The following MYO5B variants were observed in gnomAD, a reference collection of about 807,000 sequenced individuals.
MYO5B encodes unconventional myosin-Vb.
Under a neutral mutation model 229.3 loss-of-function variants are expected in MYO5B, and 143 were observed. The observed-to-expected ratio is 0.62, with a 90% CI of 0.54 to 0.72. The LOEUF (loss-of-function observed/expected upper bound fraction) is 0.72. MYO5B is among the 30% of genes least tolerant of loss of function. The pLI is 0.00. For missense variants in MYO5B, 2,321 were observed against 2,331.0 expected, an observed-to-expected ratio of 1.00 and a Z score of 0.09; for synonymous variants, 918 against 885.2, an observed-to-expected ratio of 1.04 and a Z score of -0.66.
intron 4 of MYO5B, among the ~76,000 whole-genome samples, chr18:50,028,313 C>G (rs1259942979): frequency 1.3e-5 from 2 of 152,102 alleles, no homozygotes. Context: ...AAACACCTGC[C>G]AAAAATAAAT....
At chr18:49,968,338 G>A (rs1174691860) in intron 10 of MYO5B, among the ~76,000 whole-genome samples, 5 of 149,928 alleles carry the variant, frequency 3.3e-5, no homozygotes, top group Non-Finnish European at 7.4e-5. Flanking sequence ...GGAAATTATC[G>A]CCAGCCCAAC....
chr18:50,111,297 T>C (rs184340583), intron 1 of MYO5B, among the ~76,000 whole-genome samples: 2 of 152,344 alleles, frequency 1.3e-5, no homozygotes, highest in East Asian at 3.9e-4. Flanking sequence ...AAACTGCAGT[T>C]ATCTCACAGA....
At chr18:49,944,751 C>T (rs2025352542) in intron 14 of MYO5B, among the ~76,000 whole-genome samples, 1 of 152,164 alleles carries the variant, frequency 6.6e-6, no homozygotes, top group African/African-American at 2.4e-5. Flanking sequence ...CAGCTACGTT[C>T]AAGCTTCTCT....
At chr18:50,082,025 T>C (rs900678063) in intron 1 of MYO5B, among the ~76,000 whole-genome samples, 1 of 152,236 alleles carries the variant, frequency 6.6e-6, no homozygotes, top group African/African-American at 2.4e-5. Flanking sequence ...GATATATTAG[T>C]ATTTATACCC....
At chr18:49,989,739 G>A (rs1490956234) in intron 7 of MYO5B, among the ~76,000 whole-genome samples, 1 of 152,192 alleles carries the variant, frequency 6.6e-6, no homozygotes, top group Non-Finnish European at 1.5e-5. Flanking sequence ...CACCCCTCAG[G>A]AAGCAGCAGG....
At chr18:50,139,939 T>C (rs1022561043) in intron 1 of MYO5B, among the ~76,000 whole-genome samples, 1 of 152,148 alleles carries the variant, frequency 6.6e-6, no homozygotes, top group Non-Finnish European at 1.5e-5. Context: ...TCAAACACCA[T>C]AGCTGACGGT....
At chr18:50,163,842 G>A (rs1294839692) in intron 1 of MYO5B, among the ~76,000 whole-genome samples, 1 of 152,194 alleles carries the variant, frequency 6.6e-6, no homozygotes, top group East Asian at 1.9e-4. Flanking sequence ...AGAGGAGAAA[G>A]CACAATCATT....
intron 17 of MYO5B, among the ~76,000 whole-genome samples, chr18:49,915,616 T>C (rs1049178790): frequency 1.3e-5 from 2 of 152,230 alleles, no homozygotes; most frequent in African/African-American, 4.8e-5. Context: ...CCAAACCCAT[T>C]GAGTTGCTGA....
At chr18:49,828,849 C>A (rs984204858) in intron 39 of MYO5B, among the ~76,000 whole-genome samples, 1 of 151,126 alleles carries the variant, frequency 6.6e-6, no homozygotes, top group Non-Finnish European at 1.5e-5. Flanking sequence ...ATATAATAAA[C>A]CAAAGCTTAT....
At chr18:49,856,747 G>A (rs1479847926) in intron 30 of MYO5B, 66 bp downstream of exon 30, 26 of 1,376,650 alleles carry the variant, frequency 1.9e-5, no homozygotes, top group Middle Eastern at 3.5e-4. Context: ...CTGAAAAACG[G>A]TTAAGCATAG....
intron 1 of MYO5B, among the ~76,000 whole-genome samples, chr18:50,118,282 G>A (rs1490560526): frequency 6.6e-6 from 1 of 152,192 alleles, no homozygotes; most frequent in Non-Finnish European, 1.5e-5. Context: ...TATGGCTGCC[G>A]CTGCAGAAAA....
intron 1 of MYO5B, among the ~76,000 whole-genome samples, chr18:50,138,200 C>T (rs934048672): frequency 2.6e-5 from 4 of 152,114 alleles, no homozygotes; most frequent in African/African-American, 9.7e-5. Context: ...ATACCCCGAA[C>T]CTAAAATTAA....
chr18:50,129,513 C>T (rs756527111), intron 1 of MYO5B, among the ~76,000 whole-genome samples: 12 of 152,204 alleles, frequency 7.9e-5, no homozygotes, highest in African/African-American at 2.4e-5. Context: ...CGAGCTAATA[C>T]CAGAGATGTG....
At chr18:50,180,665 T>G (rs538305893) in intron 1 of MYO5B, among the ~76,000 whole-genome samples, 21 of 152,360 alleles carry the variant, frequency 1.4e-4, no homozygotes, top group Non-Finnish European at 2.8e-4. Flanking sequence ...GTTTTAATCT[T>G]GAAAGACTGA....
At chr18:49,833,469 C>T (rs753958527) in intron 39 of MYO5B, among the ~76,000 whole-genome samples, 24 of 150,690 alleles carry the variant, frequency 1.6e-4, no homozygotes, top group Non-Finnish European at 3.3e-4. Context: ...GCTAGAACTG[C>T]GAGACACTGA....
At chr18:50,152,185 A>T (rs72921721) in intron 1 of MYO5B, among the ~76,000 whole-genome samples, 3 of 152,132 alleles carry the variant, frequency 2.0e-5, no homozygotes, top group Non-Finnish European at 4.4e-5. Flanking sequence ...CCGAGTCCCA[A>T]TGGTGCCTCC....
intron 1 of MYO5B, among the ~76,000 whole-genome samples, chr18:50,136,831 T>TA (rs2032343925): frequency 1.3e-5 from 2 of 152,204 alleles, no homozygotes. Flanking sequence ...TCAGACCCCT[T>TA]ATCACAAAGG....
At chr18:50,049,676 G>C (rs1175718391) in intron 2 of MYO5B, among the ~76,000 whole-genome samples, 3 of 152,204 alleles carry the variant, frequency 2.0e-5, no homozygotes, top group African/African-American at 7.2e-5. Flanking sequence ...CTAGATGCCA[G>C]TAGCAAATCC....
intron 39 of MYO5B, among the ~76,000 whole-genome samples, chr18:49,831,194 G>A (rs2023916082): frequency 6.6e-6 from 1 of 152,062 alleles, no homozygotes; most frequent in Non-Finnish European, 1.5e-5. Context: ...AAAGCTCTTA[G>A]AAAACATAGG....
Sources: allele counts gnomAD v4.1 joint callset (sites outside exome capture counted in the v4.1 genomes callset), GRCh38; gene constraint gnomAD v4.1.1; transcripts MANE v1.5; gene names NCBI Gene and HGNC (gene_info 2026-07-23, HGNC 2026-07-21).